The following CTDSPL2 variants were observed in gnomAD, a reference collection of about 807,000 sequenced individuals.
The protein encoded by CTDSPL2 is CTD small phosphatase-like protein 2.
A neutral mutation model predicts 60.0 loss-of-function variants in CTDSPL2; 5 were observed. That is an observed-to-expected ratio of 0.08 (90% CI 0.04 to 0.18). CTDSPL2 has a LOEUF of 0.18. Ranked by LOEUF, CTDSPL2 falls within the 10% of genes least tolerant of loss-of-function variation. The probability of loss-of-function intolerance (pLI) is 1.00; values close to 1 mark genes in which losing one functional copy is unlikely to be tolerated. For synonymous variants in CTDSPL2, 186 were observed against 189.3 expected, an observed-to-expected ratio of 0.98 and a Z score of 0.14; for missense variants, 370 against 548.8, an observed-to-expected ratio of 0.67 and a Z score of 3.26.
chr15:44,449,214 C>A (rs1187306963), intron 1 of CTDSPL2: 5 of 277,376 alleles, frequency 1.8e-5, no homozygotes, highest in Non-Finnish European at 3.0e-5. Context: ...CATTGCTCTC[C>A]TGGCATGTTC....
In CTDSPL2 at chr15:44,503,665, A is replaced by G. The variant is rs1306424099; in HGVS notation, c.969+3852A>G. ...GGCTGATTGAAGACAAAAAGAAGAT[A>G]CCTCATATGTTTCACCACAGTGCAG... On this transcript the variant is annotated intron_variant, in intron 8 of 12. Transcript: ENST00000260327. 3 of 152,352 alleles carry G rather than the reference A, an allele frequency of 2.0e-5. No individual in the cohort carries two copies. In the East Asian group the frequency reaches 5.8e-4, roughly 29 times the overall value. 9.4% of individuals were successfully genotyped at this position (152,352 alleles called of 1,614,324 possible). A position where few individuals can be genotyped will look rare whatever the true frequency, so the allele number is the denominator to read the frequency against.
intron 1 of CTDSPL2, chr15:44,448,855 G>T (rs575733432): frequency 3.8e-5 from 15 of 393,736 alleles, no homozygotes; most frequent in African/African-American, 2.9e-4. Context: ...CTTTACCTGC[G>T]TTGGTCTATC....
chr15:44,511,174 C>T (rs1296540154), intron 8 of CTDSPL2, among the ~76,000 whole-genome samples: 4 of 152,166 alleles, frequency 2.6e-5, no homozygotes, highest in Non-Finnish European at 5.9e-5. Context: ...CTATTATTTT[C>T]AACAGTTACT....
chr15:44,514,669 G>T lies in CTDSPL2; in HGVS notation c.1032+9G>T, dbSNP rs1267249415. 1.3e-6 allele frequency: 2 copies of T among 1,596,080 alleles called. No homozygotes were observed. Among genetic ancestry groups the T allele is most frequent in the Non-Finnish European group, 1.7e-6 (2 of 1,164,250 alleles). ...TGTCTCAGATGTATGAGGTAAACAT[G>T]CTTAAGCTAATTACATATGTATTTT... On this transcript the variant is annotated intron_variant, in intron 9 of 12. Transcript: ENST00000260327.
rs1245027239 is a variant in CTDSPL2, at chr15:44,448,552, A to C, written c.-24-10439A>C. 1.0e-5 allele frequency: 3 copies of C among 287,208 alleles called. No individual in the cohort carries two copies. In the East Asian group the frequency reaches 3.0e-4, roughly 29 times the overall value. The allele number at this position is 287,208 out of a possible 1,614,324, so 17.8% of individuals were successfully genotyped here. A position where few individuals can be genotyped will look rare whatever the true frequency, so the allele number is the denominator to read the frequency against. On this transcript the variant is annotated intron_variant, in intron 1 of 12. Coordinates refer to ENST00000260327, the MANE Select transcript of CTDSPL2 (RefSeq NM_016396.3). The stretch of plus-strand genomic sequence containing the variant: ...TGATCTTCCCTATCCTAAGTGTATT[A>C]CTAAGATTTCCTTTATTCTGCCCAT...
At chr15:44,443,847 C>T (rs936781391) in intron 1 of CTDSPL2, among the ~76,000 whole-genome samples, 2 of 152,076 alleles carry the variant, frequency 1.3e-5, no homozygotes, top group African/African-American at 2.4e-5. Flanking sequence ...TATTTTCTGC[C>T]ATTCCATGGT....
chr15:44,442,003 G>A (rs1186370278), intron 1 of CTDSPL2, among the ~76,000 whole-genome samples: 1 of 152,170 alleles, frequency 6.6e-6, no homozygotes, highest in African/African-American at 2.4e-5. Context: ...TCCCCAATTA[G>A]CGCTGGATTG....
chr15:44,481,461 C>A (rs184315525), intron 2 of CTDSPL2, among the ~76,000 whole-genome samples: 26 of 152,246 alleles, frequency 1.7e-4, no homozygotes, highest in African/African-American at 6.0e-4. Flanking sequence ...TGATTTTCTT[C>A]TAAACCAGAC....
intron 2 of CTDSPL2, among the ~76,000 whole-genome samples, chr15:44,474,001 A>G (rs1016823214): frequency 6.6e-6 from 1 of 151,974 alleles, no homozygotes; most frequent in Non-Finnish European, 1.5e-5. Flanking sequence ...GCTAATTTTT[A>G]TATTTTATAA....
At chr15:44,457,253 C>T (rs928068401) in intron 1 of CTDSPL2, among the ~76,000 whole-genome samples, 5 of 152,166 alleles carry the variant, frequency 3.3e-5, no homozygotes, top group African/African-American at 4.8e-5. Context: ...AAAGCTGTTT[C>T]GTCTACTTAG....
At chr15:44,491,889 T>C (rs1006065295) in intron 5 of CTDSPL2, among the ~76,000 whole-genome samples, 1 of 151,608 alleles carries the variant, frequency 6.6e-6, no homozygotes, top group African/African-American at 2.4e-5. Flanking sequence ...TGGGGTGGAG[T>C]CTCACTCTGT....
At chr15:44,494,731 A>G (rs2081269102) in intron 5 of CTDSPL2, among the ~76,000 whole-genome samples, 1 of 152,102 alleles carries the variant, frequency 6.6e-6, no homozygotes, top group Non-Finnish European at 1.5e-5. Flanking sequence ...CCTAGCCAAC[A>G]TGATGAAACC....
chr15:44,487,003 A>G (rs1024178597), intron 4 of CTDSPL2, among the ~76,000 whole-genome samples: 1 of 152,152 alleles, frequency 6.6e-6, no homozygotes, highest in African/African-American at 2.4e-5. Context: ...TTGACCTTCA[A>G]GTGATCCGCC....
At chr15:44,496,975 C>A in intron 6 of CTDSPL2, 52 bp from the exon 7 acceptor site, 1 of 1,026,196 alleles carries the variant, frequency 9.7e-7, no homozygotes. Context: ...TAGTAATGTT[C>A]TATATGTATA....
At chr15:44,498,047 T>A (rs1183576094) in intron 7 of CTDSPL2, among the ~76,000 whole-genome samples, 1 of 151,996 alleles carries the variant, frequency 6.6e-6, no homozygotes, top group Non-Finnish European at 1.5e-5. Context: ...AAAACAATGA[T>A]CTCCTATCAT....
At chr15:44,480,536 C>G (rs2081007387) in intron 2 of CTDSPL2, among the ~76,000 whole-genome samples, 3 of 152,086 alleles carry the variant, frequency 2.0e-5, no homozygotes, top group Admixed American at 1.3e-4. Context: ...AGAACACCTT[C>G]CCATCATTTT....
At chr15:44,461,847 A>G (rs1452860047) in intron 2 of CTDSPL2, among the ~76,000 whole-genome samples, 2 of 152,172 alleles carry the variant, frequency 1.3e-5, no homozygotes, top group Non-Finnish European at 2.9e-5. Flanking sequence ...TAGGCTGAGG[A>G]AGAGGAGGGG....
chr15:44,436,688 T>C (rs1171622455), intron 1 of CTDSPL2, among the ~76,000 whole-genome samples: 1 of 152,218 alleles, frequency 6.6e-6, no homozygotes, highest in Non-Finnish European at 1.5e-5. Flanking sequence ...TCTAGAACCT[T>C]GCATGCATGT....
In CTDSPL2 at chr15:44,485,775, A is replaced by G. The variant is rs148537422; in HGVS notation, c.326-776A>G. 5.9e-5 allele frequency among the ~76,000 whole-genome samples: 9 copies of G among 152,302 alleles called. No individual in the cohort carries two copies. In the East Asian group the frequency reaches 1.5e-3, roughly 26 times the overall value. On this transcript the variant is annotated intron_variant, in intron 3 of 12. Transcript: ENST00000260327. ...CCCCTTGTCTCTGCCCAGTGCAGCA[A>G]TATATCTTTATTGTTAGAAAAAACA...
Sources: gnomAD v4.1 joint callset for allele counts (sites outside exome capture counted in the v4.1 genomes callset) on GRCh38, gnomAD v4.1.1 for gene constraint, MANE v1.5 for transcripts, NCBI Gene and HGNC (gene_info 2026-07-23, HGNC 2026-07-21) for gene names.